Variants in MED4 observed in about 807,000 individuals in gnomAD.
MED4 encodes the protein mediator of RNA polymerase II transcription subunit 4.
A neutral mutation model predicts 35.0 loss-of-function variants in MED4; 21 were observed. That is an observed-to-expected ratio of 0.60 (90% CI 0.43 to 0.86). MED4 has a LOEUF of 0.86. Among genes scored for constraint, MED4 ranks in the 40% least tolerant of loss-of-function variants. The probability of loss-of-function intolerance (pLI) is 0.00; values close to 1 mark genes in which losing one functional copy is unlikely to be tolerated. For missense variants in MED4, 300 were observed against 319.4 expected (o/e 0.94, Z 0.46); for synonymous variants, 138 against 114.0 (o/e 1.21, Z -1.34).
chr13:48,088,576 G>A (rs1027816356), intron 2 of MED4, among the ~76,000 whole-genome samples: 1 of 152,142 alleles, frequency 6.6e-6, no homozygotes, highest in African/African-American at 2.4e-5. Context: ...GTAGTTCCCT[G>A]ACAACTTTCA....
Position 48,076,476 on chromosome 13 carries a change from G to A in MED4, c.*663C>T, listed in dbSNP as rs1238565052. ...TTGAGAACCCTATTAATTGTAATAG[G>A]TTTCAATTCAGTTAGTCACTCAAGT... On this transcript the variant is annotated 3_prime_UTR_variant, in exon 7 of 7. Coordinates refer to ENST00000258648, the MANE Select transcript of MED4 (RefSeq NM_014166.4). The A allele has an allele frequency of 6.6e-6, 1 of 151,826 alleles. No individual in the cohort carries two copies. Among genetic ancestry groups the A allele is most frequent in the African/African-American group, 2.4e-5 (1 of 41,328 alleles). 9.4% of individuals were successfully genotyped at this position (151,826 alleles called of 1,614,324 possible). A position where few individuals can be genotyped will look rare whatever the true frequency, so the allele number is the denominator to read the frequency against.
chr13:48,079,195 G>A (rs1950785681), intron 6 of MED4, among the ~76,000 whole-genome samples: 1 of 152,112 alleles, frequency 6.6e-6, no homozygotes, highest in Non-Finnish European at 1.5e-5. Context: ...TATTCATTTT[G>A]TTAACTTGGG....
At chr13:48,086,831 C>T (rs1004919227) in intron 2 of MED4, among the ~76,000 whole-genome samples, 5 of 152,076 alleles carry the variant, frequency 3.3e-5, no homozygotes, top group African/African-American at 1.2e-4. Context: ...GGGCAGATCA[C>T]TTGAGGTCAC....
intron 1 of MED4, among the ~76,000 whole-genome samples, chr13:48,094,552 C>G (rs772010949): frequency 6.6e-6 from 1 of 152,100 alleles, no homozygotes; most frequent in East Asian, 1.9e-4. Flanking sequence ...AGTCCCTGTG[C>G]TCCAGTACCC....
Position 48,081,747 on chromosome 13 carries a change from G to C in MED4, c.422-16C>G, listed in dbSNP as rs1482522289. 6.4e-7 allele frequency: 1 copy of C among 1,556,206 alleles called. No individual in the cohort carries two copies. Among genetic ancestry groups the C allele is most frequent in the South Asian group, 1.1e-5 (1 of 88,090 alleles). On this transcript the variant is annotated splice_polypyrimidine_tract_variant and intron_variant, in intron 4 of 6. Coordinates refer to ENST00000258648, the MANE Select transcript of MED4 (RefSeq NM_014166.4). ...GAGATAGCACCTGAAAGAGTTTTAA[G>C]AGGACAGTATAACCTGTAGTCTAAC... is the stretch of plus-strand genomic sequence containing the variant.
chr13:48,080,041 G>C, intron 5 of MED4, 66 bp from the exon 6 acceptor site: 1 of 1,532,672 alleles, frequency 6.5e-7, no homozygotes, highest in Non-Finnish European at 8.9e-7. Context: ...TATGTTATTT[G>C]ACATACTCAT....
chr13:48,085,459 G>A (rs749621561), intron 3 of MED4, among the ~76,000 whole-genome samples: 8 of 152,138 alleles, frequency 5.3e-5, no homozygotes, highest in Non-Finnish European at 1.0e-4. Context: ...CCAAAGCCCT[G>A]GGATTACAGG....
At chr13:48,082,678 T>C (rs1316620399) in intron 4 of MED4, among the ~76,000 whole-genome samples, 9 of 152,168 alleles carry the variant, frequency 5.9e-5, no homozygotes, top group African/African-American at 1.4e-4. Flanking sequence ...ATACAAAAAA[T>C]TAGCCGGGTG....
At chr13:48,084,599 G>A (rs906538890) in intron 3 of MED4, among the ~76,000 whole-genome samples, 2 of 152,188 alleles carry the variant, frequency 1.3e-5, no homozygotes, top group East Asian at 3.9e-4. Flanking sequence ...TATGAAAAAT[G>A]CTTAAGTTTC....
At chr13:48,078,241 G>A (rs1950776610) in intron 6 of MED4, among the ~76,000 whole-genome samples, 1 of 152,164 alleles carries the variant, frequency 6.6e-6, no homozygotes, top group Non-Finnish European at 1.5e-5. Context: ...AGAAAGGTAT[G>A]CCAGTTAGCC....
At chr13:48,094,120 A>T (rs957789284) in intron 1 of MED4, among the ~76,000 whole-genome samples, 2 of 152,176 alleles carry the variant, frequency 1.3e-5, no homozygotes, top group African/African-American at 4.8e-5. Context: ...GCCTTTTAAA[A>T]CTGGTATCGG....
At position 48,079,882 on chromosome 13, in the gene MED4, T is replaced by C. The variant is rs767235411; in HGVS notation, c.602A>G (p.His201Arg). The change falls in exon 6 of 7, where the codon CAT becomes CGT. Residue 201 changes from histidine (H) to arginine (R), a missense_variant. Physicochemically the swap from His to Arg is conservative, Grantham distance 29. Transcript: ENST00000258648. ...TGCTGCAAGTGCATCTCCTGGTAAA[T>C]GGCCATTCACGCCATTAGTGGAAGG... ...NNPSTNGVNG[H>R]LPGDALAAGR... 2.5e-6 allele frequency: 4 copies of C among 1,613,860 alleles called. No homozygotes were observed. Among genetic ancestry groups the C allele is most frequent in the South Asian group, 1.1e-5 (1 of 91,072 alleles).
intron 1 of MED4, 67 bp downstream of exon 1, chr13:48,094,887 G>T: frequency 6.4e-7 from 1 of 1,573,036 alleles, no homozygotes; most frequent in Admixed American, 1.7e-5. Context: ...ACAAACGCAG[G>T]GCCGGCCGGC....
In MED4 at chr13:48,076,159, A is replaced by G. The variant is rs916896306; in HGVS notation, c.*980T>C. 2 of 152,240 alleles carry G rather than the reference A, an allele frequency of 1.3e-5. No individual in the cohort carries two copies. Among genetic ancestry groups the G allele is most frequent in the Admixed American group, 6.5e-5 (1 of 15,286 alleles). The allele number at this position is 152,240 out of a possible 1,614,324, so 9.4% of individuals were successfully genotyped here. Reference sequence around the variant, plus strand: ...ATTTTCTCCTTTACTGTATTCACTAAATGTTTCACATTAAATGTTGTATTA... The same window carrying G: ...ATTTTCTCCTTTACTGTATTCACTAGATGTTTCACATTAAATGTTGTATTA... On this transcript the variant is annotated 3_prime_UTR_variant, in exon 7 of 7. Coordinates refer to ENST00000258648, the MANE Select transcript of MED4 (RefSeq NM_014166.4).
intron 4 of MED4, 90 bp downstream of exon 4, chr13:48,083,281 C>T: frequency 2.0e-6 from 2 of 995,858 alleles, no homozygotes; most frequent in South Asian, 1.6e-5. Flanking sequence ...TCAACAGCAG[C>T]AAATGATTAT....
Position 48,083,374 on chromosome 13 carries a change from T to C in MED4, c.418A>G (p.Lys140Glu). The change falls in exon 4 of 7, where the codon AAA becomes GAA. Residue 140 changes from lysine (K) to glutamate (E), a missense_variant. Physicochemically the swap from Lys to Glu is moderately conservative, Grantham distance 56. Transcript: ENST00000258648. ...TCAGTCTTCCCATGATACTAACCTT[T>C]TCTTGCTTTTTCTATTGACTTGAGT... ...EKLKSIEKAR[K>E]GAISSEEIIK... The C allele has an allele frequency of 6.2e-7, 1 of 1,612,742 alleles. No homozygotes were observed. Among genetic ancestry groups the C allele is most frequent in the Non-Finnish European group, 8.5e-7 (1 of 1,179,370 alleles).
At chr13:48,094,834 A>G (rs1320930460) in intron 1 of MED4, 120 bp downstream of exon 1, 9 of 1,432,794 alleles carry the variant, frequency 6.3e-6, no homozygotes, top group Middle Eastern at 2.5e-4. Context: ...CATGCACCCG[A>G]AACTCCCGAG....
In MED4 at chr13:48,082,803, G is replaced by A. The variant is rs1950819474; in HGVS notation, c.421+568C>T. On this transcript the variant is annotated intron_variant, in intron 4 of 6. Transcript: ENST00000258648. Reference sequence around the variant, plus strand: ...GATCGCGCCACTGCACTCCAGCCTGGGCGACAGAGCGAGACTCCGTCTCAA... The same window carrying A: ...GATCGCGCCACTGCACTCCAGCCTGAGCGACAGAGCGAGACTCCGTCTCAA... 2.0e-5 allele frequency among the ~76,000 whole-genome samples: 3 copies of A among 151,564 alleles called. No homozygotes were observed. The South Asian group carries it at 6.3e-4, about 32-fold the overall frequency.
rs1593542982 is a variant in MED4, at chr13:48,081,171, CCT to C, written c.508+472_508+473del. Among the ~76,000 whole-genome samples, 3 of 152,334 alleles carry C rather than the reference CCT, an allele frequency of 2.0e-5. No homozygotes were observed. The East Asian group carries it at 5.8e-4, about 29-fold the overall frequency. On this transcript the variant is annotated intron_variant, in intron 5 of 6. Coordinates refer to ENST00000258648, the MANE Select transcript of MED4 (RefSeq NM_014166.4). ...ACTGTCAATATAGTTGCAGCTTGAT[CCT>C]CTCTTTTGCTGTCTAATTATCCCAG...
Sources: allele counts gnomAD v4.1 joint callset (sites outside exome capture counted in the v4.1 genomes callset), GRCh38; gene constraint gnomAD v4.1.1; transcripts MANE v1.5; gene names NCBI Gene and HGNC (gene_info 2026-07-23, HGNC 2026-07-21).